RYR2: variants seen among roughly 807,000 people sequenced by gnomAD.
The protein encoded by RYR2 is ryanodine receptor 2.
Under a neutral mutation model 601.1 loss-of-function variants are expected in RYR2, and 227 were observed. The ratio of observed to expected loss-of-function variants is 0.38; its 90% CI spans 0.34 to 0.42. The LOEUF (loss-of-function observed/expected upper bound fraction) is 0.42, where lower values mean the gene tolerates loss of function less well. RYR2 is among the 10% of genes least tolerant of loss of function. The pLI is 1.00. For missense variants in RYR2, 4,646 were observed against 6,156.5 expected, an observed-to-expected ratio of 0.75 and a Z score of 8.21; for synonymous variants, 2,223 against 2,175.1, an observed-to-expected ratio of 1.02 and a Z score of -0.61.
In RYR2 at chr1:237,180,667, C is replaced by CATGTGTATAT. The variant is rs1289217918; in HGVS notation, c.49-89815_49-89806dup. 1.9e-5 allele frequency among the ~76,000 whole-genome samples: 2 copies of CATGTGTATAT among 106,362 alleles called. No individual in the cohort carries two copies. Among genetic ancestry groups the CATGTGTATAT allele is most frequent in the African/African-American group, 9.3e-5 (2 of 21,598 alleles). The allele number at this position is 106,362 out of a possible 152,430, so 69.8% of individuals were successfully genotyped here. On this transcript the variant is annotated intron_variant, in intron 1 of 104. Coordinates refer to ENST00000366574, the MANE Select transcript of RYR2 (RefSeq NM_001035.3). The surrounding 1 kb of genome is among the most constrained non-coding windows in gnomAD (Gnocchi z 5.3). ...ATATGTATATGTGTATATATGTATA[C>CATGTGTATAT]ATGTGTATATATGTGTATATATGTA...
chr1:237,101,891 A>G (rs1169862154), intron 1 of RYR2, among the ~76,000 whole-genome samples: 1 of 152,130 alleles, frequency 6.6e-6, no homozygotes, highest in Non-Finnish European at 1.5e-5. Context: ...GGGGAGGGAG[A>G]GAAAGAGATT....
intron 2 of RYR2, among the ~76,000 whole-genome samples, chr1:237,284,272 T>C (rs999985314): frequency 7.1e-6 from 1 of 140,908 alleles, no homozygotes; most frequent in African/African-American, 2.9e-5. Context: ...TCCCAGCTAC[T>C]TGGGAGGCTG....
intron 79 of RYR2, among the ~76,000 whole-genome samples, chr1:237,738,071 G>A (rs943198442): frequency 2.0e-5 from 3 of 152,014 alleles, no homozygotes; most frequent in Admixed American, 6.6e-5. Flanking sequence ...ATGGTTTCTC[G>A]GTTTACCAAC....
At chr1:237,771,789 A>T (rs1694291785) in intron 85 of RYR2, among the ~76,000 whole-genome samples, 1 of 152,218 alleles carries the variant, frequency 6.6e-6, no homozygotes, top group Non-Finnish European at 1.5e-5. Flanking sequence ...AATATCTGAG[A>T]CAAAAATTGA....
chr1:237,197,417 A>G (rs1414792990), intron 1 of RYR2, among the ~76,000 whole-genome samples: 1 of 152,200 alleles, frequency 6.6e-6, no homozygotes, highest in Non-Finnish European at 1.5e-5. Context: ...CACCGAACTT[A>G]ATTTTCTGTG....
chr1:237,236,867 C>G (rs1572307965), intron 1 of RYR2, among the ~76,000 whole-genome samples: 1 of 152,144 alleles, frequency 6.6e-6, no homozygotes, highest in East Asian at 1.9e-4. Context: ...GAGGCTCTAT[C>G]CAACCATTGA....
chr1:237,050,525 C>G (rs1307343164), intron 1 of RYR2, among the ~76,000 whole-genome samples: 1 of 152,172 alleles, frequency 6.6e-6, no homozygotes, highest in East Asian at 1.9e-4. Flanking sequence ...ATGGCAAGCA[C>G]TTTTTTTCCT....
At chr1:237,386,272 G>A (rs968753452) in intron 8 of RYR2, among the ~76,000 whole-genome samples, 19 of 152,184 alleles carry the variant, frequency 1.2e-4, no homozygotes, top group Non-Finnish European at 2.4e-4. Context: ...GAAAGAGAGT[G>A]AACGACCTCT....
intron 1 of RYR2, among the ~76,000 whole-genome samples, chr1:237,071,681 T>C (rs1412201621): frequency 1.3e-5 from 2 of 152,206 alleles, no homozygotes; most frequent in Admixed American, 6.5e-5. Context: ...AGGTCGTGCC[T>C]GGCTTGAAGG....
chr1:237,169,339 G>A (rs1413969486), intron 1 of RYR2, among the ~76,000 whole-genome samples: 8 of 148,268 alleles, frequency 5.4e-5, no homozygotes, highest in Admixed American at 1.4e-4. Flanking sequence ...TTGCTTTGTC[G>A]CCAGGCTGGA....
intron 100 of RYR2, among the ~76,000 whole-genome samples, chr1:237,816,201 T>C (rs747837019): frequency 3.3e-5 from 5 of 151,990 alleles, no homozygotes; most frequent in African/African-American, 4.8e-5. Flanking sequence ...CAGAACCAGG[T>C]ATACTATCCA....
chr1:237,547,101 G>A (rs1334305997), intron 25 of RYR2, among the ~76,000 whole-genome samples: 1 of 151,118 alleles, frequency 6.6e-6, no homozygotes, highest in Non-Finnish European at 1.5e-5. Context: ...TGCCTCTTGG[G>A]TTTAAGCGAT....
chr1:237,386,545 C>G (rs1701970555), intron 8 of RYR2, among the ~76,000 whole-genome samples: 1 of 152,108 alleles, frequency 6.6e-6, no homozygotes, highest in South Asian at 2.1e-4. Context: ...GGTGGTTGCT[C>G]TATGTATGTT....
chr1:237,083,941 G>A (rs1050085384), intron 1 of RYR2, among the ~76,000 whole-genome samples: 4 of 152,192 alleles, frequency 2.6e-5, no homozygotes, highest in Non-Finnish European at 4.4e-5. Context: ...CCACATTTCA[G>A]GTGTTCTGTG....
At chr1:237,569,902 T>TGGCCTTTGA (rs1672488088) in intron 29 of RYR2, among the ~76,000 whole-genome samples, 1 of 152,078 alleles carries the variant, frequency 6.6e-6, no homozygotes, top group East Asian at 1.9e-4. Flanking sequence ...GGCCCCGAGA[T>TGGCCTTTGA]GGCCTTTGAG....
intron 2 of RYR2, 92 bp from the exon 3 acceptor site, chr1:237,330,786 T>A (rs1158798861): frequency 1.8e-5 from 16 of 904,690 alleles, no homozygotes; most frequent in Non-Finnish European, 2.9e-5. Flanking sequence ...AAATACTGTT[T>A]CTATGAAAGA....
At chr1:237,548,339 A>G in intron 25 of RYR2, 92 bp from the exon 26 acceptor site, 1 of 1,348,202 alleles carries the variant, frequency 7.4e-7, no homozygotes, top group Non-Finnish European at 1.0e-6. Context: ...TTTATGGAAG[A>G]ACAGTAATGA....
chr1:237,328,197 G>A (rs948714281), intron 2 of RYR2, among the ~76,000 whole-genome samples: 42 of 151,954 alleles, frequency 2.8e-4, no homozygotes, highest in African/African-American at 9.2e-4. Context: ...ATAACATAGC[G>A]CCCTTTCAGC....
At chr1:237,454,912 T>A (rs1052798822) in intron 15 of RYR2, among the ~76,000 whole-genome samples, 1 of 152,152 alleles carries the variant, frequency 6.6e-6, no homozygotes, top group African/African-American at 2.4e-5. Flanking sequence ...TCTGTACGAA[T>A]ACAGGCTTTA....
Sources: gnomAD v4.1 joint callset for allele counts (sites outside exome capture counted in the v4.1 genomes callset) on GRCh38, gnomAD v4.1.1 for gene constraint, Gnocchi (gnomAD v3.1) non-coding constraint, MANE v1.5 for transcripts, NCBI Gene and HGNC (gene_info 2026-07-23, HGNC 2026-07-21) for gene names.